Variants in ADAMTSL1 observed in about 807,000 individuals in gnomAD.
ADAMTSL1 encodes ADAMTS like 1, also known as ADAMTS-like protein 1.
A neutral mutation model predicts 201.8 loss-of-function variants in ADAMTSL1; 126 were observed. The ratio of observed to expected loss-of-function variants is 0.62; its 90% confidence interval spans 0.54 to 0.72. The LOEUF is 0.72. ADAMTSL1 is among the 30% of genes least tolerant of loss of function. ADAMTSL1 has a pLI of 0.00. For synonymous variants in ADAMTSL1, 1,121 were observed against 903.4 expected (o/e 1.24, Z -4.32); for missense variants, 2,679 against 2,277.8 (o/e 1.18, Z -3.59).
At chr9:18,523,308 T>C (rs1818819402) in intron 2 of ADAMTSL1, among the ~76,000 whole-genome samples, 1 of 152,198 alleles carries the variant, frequency 6.6e-6, no homozygotes, top group South Asian at 2.1e-4. Context: ...TTCTTGTAAA[T>C]TTGTTTGAAT....
intron 7 of ADAMTSL1, among the ~76,000 whole-genome samples, chr9:18,647,318 T>A (rs1827882152): frequency 6.6e-6 from 1 of 152,002 alleles, no homozygotes; most frequent in Non-Finnish European, 1.5e-5. Context: ...ATCAATTTTG[T>A]TGATCCTTTC....
At chr9:18,009,955 C>T (rs1819984141) in intron 1 of ADAMTSL1, among the ~76,000 whole-genome samples, 1 of 151,992 alleles carries the variant, frequency 6.6e-6, no homozygotes, top group African/African-American at 2.4e-5. Flanking sequence ...ATAAACATTT[C>T]TCGCTCTTAA....
intron 1 of ADAMTSL1, among the ~76,000 whole-genome samples, chr9:18,082,646 C>G (rs1487218707): frequency 1.3e-5 from 2 of 152,192 alleles, no homozygotes; most frequent in South Asian, 4.1e-4. Context: ...ATGAATCCCT[C>G]TACCACCAGC....
intron 2 of ADAMTSL1, among the ~76,000 whole-genome samples, chr9:18,387,659 T>G (rs1168327290): frequency 6.6e-6 from 1 of 152,200 alleles, no homozygotes; most frequent in Non-Finnish European, 1.5e-5. Context: ...TTTTTTTAAT[T>G]GATTTTGAAT....
At chr9:18,848,068 G>A (rs1368771) in intron 23 of ADAMTSL1, among the ~76,000 whole-genome samples, 106,755 of 152,142 alleles carry the variant, frequency 0.7, 38,246 homozygotes, top group African/African-American at 0.86. Context: ...GGTACAAGCC[G>A]ATATTGCTGA....
chr9:18,144,706 A>G (rs1359004941), intron 1 of ADAMTSL1, among the ~76,000 whole-genome samples: 1 of 152,152 alleles, frequency 6.6e-6, no homozygotes, highest in Non-Finnish European at 1.5e-5. Flanking sequence ...AGAGAATTTT[A>G]AAACTTTATG....
At chr9:18,903,007 C>T (rs899862239) in intron 26 of ADAMTSL1, among the ~76,000 whole-genome samples, 1 of 152,130 alleles carries the variant, frequency 6.6e-6, no homozygotes, top group Non-Finnish European at 1.5e-5. Context: ...GAGTTCAAGA[C>T]CAGCCTGGCC....
chr9:18,327,347 G>A (rs1409534848), intron 2 of ADAMTSL1, among the ~76,000 whole-genome samples: 2 of 152,210 alleles, frequency 1.3e-5, no homozygotes, highest in South Asian at 2.1e-4. Context: ...CTGAGGAGAC[G>A]CGTTAATGAT....
intron 15 of ADAMTSL1, among the ~76,000 whole-genome samples, chr9:18,725,417 A>G (rs770922634): frequency 9.2e-5 from 14 of 152,238 alleles, no homozygotes; most frequent in Non-Finnish European, 1.8e-4. Flanking sequence ...AAGATTAACC[A>G]TAAGCAGTTA....
At chr9:18,427,440 G>T (rs1165666793) in intron 2 of ADAMTSL1, among the ~76,000 whole-genome samples, 1 of 152,212 alleles carries the variant, frequency 6.6e-6, no homozygotes, top group African/African-American at 2.4e-5. Context: ...TATTTGGAAG[G>T]TGACTTCTAT....
intron 23 of ADAMTSL1, among the ~76,000 whole-genome samples, chr9:18,865,550 T>G (rs1355757197): frequency 6.6e-6 from 1 of 152,222 alleles, no homozygotes; most frequent in African/African-American, 2.4e-5. Context: ...ATAATTTGGT[T>G]TTCTTATTGG....
At chr9:18,860,488 A>G (rs2131413656) in intron 23 of ADAMTSL1, among the ~76,000 whole-genome samples, 1 of 150,096 alleles carries the variant, frequency 6.7e-6, no homozygotes, top group East Asian at 1.9e-4. Context: ...CAAAGTCTAC[A>G]ATATTCACTA....
intron 25 of ADAMTSL1, chr9:18,890,601 G>C (rs58690515): frequency 0.011 from 5,119 of 455,892 alleles, 185 homozygotes; most frequent in African/African-American, 0.087. Context: ...GATGAAATAT[G>C]AAACATGCTC....
chr9:18,657,616 T>C (rs1183141096), intron 7 of ADAMTSL1, 23 bp from the exon 8 acceptor site: 5 of 1,579,310 alleles, frequency 3.2e-6, no homozygotes, highest in African/African-American at 1.3e-5. Flanking sequence ...ACATTACTTC[T>C]ACTTTCCTGT....
intron 2 of ADAMTSL1, among the ~76,000 whole-genome samples, chr9:18,234,846 A>G (rs149398032): frequency 1.3e-5 from 2 of 152,348 alleles, no homozygotes; most frequent in Non-Finnish European, 2.9e-5. Flanking sequence ...ACCTTGCTGC[A>G]ATAGGTCAAG....
chr9:17,938,784 T>G (rs536344111), intron 1 of ADAMTSL1, among the ~76,000 whole-genome samples: 2 of 152,164 alleles, frequency 1.3e-5, no homozygotes, highest in Non-Finnish European at 2.9e-5. Flanking sequence ...CAAGAGCACA[T>G]TTTTCCTAAT....
chr9:18,013,391 T>C (rs189809474), intron 1 of ADAMTSL1, among the ~76,000 whole-genome samples: 21 of 152,144 alleles, frequency 1.4e-4, no homozygotes, highest in Admixed American at 1.3e-3. Context: ...AGACTGATCA[T>C]GGTCGAGAGT....
chr9:18,162,482 T>C (rs1479563493), intron 1 of ADAMTSL1, among the ~76,000 whole-genome samples: 3 of 152,028 alleles, frequency 2.0e-5, no homozygotes. Context: ...AGATTCTTTT[T>C]ACTACCATCA....
chr9:18,662,931 A>G (rs74632471), intron 9 of ADAMTSL1, among the ~76,000 whole-genome samples: 3,828 of 152,304 alleles, frequency 0.025, 69 homozygotes, highest in Middle Eastern at 0.044. Flanking sequence ...TAGAAAAGCA[A>G]TCAGGAATAC....
Sources: gnomAD v4.1 joint callset for allele counts (sites outside exome capture counted in the v4.1 genomes callset) on GRCh38, gnomAD v4.1.1 for gene constraint, MANE v1.5 for transcripts, NCBI Gene and HGNC (gene_info 2026-07-23, HGNC 2026-07-21) for gene names.